KPNA3: variants seen among roughly 807,000 people sequenced by gnomAD.
KPNA3 encodes the protein karyopherin subunit alpha 3, also known as importin subunit alpha-4.
Under a neutral mutation model 73.8 loss-of-function variants are expected in KPNA3, and 13 were observed. The ratio of observed to expected loss-of-function variants is 0.18; its 90% CI spans 0.11 to 0.28. KPNA3 has a LOEUF of 0.28. KPNA3 is among the 10% of genes least tolerant of loss of function. The probability of loss-of-function intolerance (pLI) is 1.00; values close to 1 mark genes in which losing one functional copy is unlikely to be tolerated. For missense variants in KPNA3, 360 were observed against 618.1 expected (o/e 0.58, Z 4.43); for synonymous variants, 186 against 206.9 (o/e 0.90, Z 0.87).
intron 1 of KPNA3, among the ~76,000 whole-genome samples, chr13:49,789,834 C>G (rs1955018119): frequency 6.6e-6 from 1 of 152,178 alleles, no homozygotes; most frequent in Non-Finnish European, 1.5e-5. Context: ...CTTCCACCAG[C>G]CTTCTCCCGC....
At chr13:49,715,823 T>A (rs972205043) in intron 10 of KPNA3, among the ~76,000 whole-genome samples, 1 of 152,138 alleles carries the variant, frequency 6.6e-6, no homozygotes, top group Non-Finnish European at 1.5e-5. Flanking sequence ...TCCAATAATA[T>A]GAAAACACAC....
chr13:49,744,841 A>T (rs1954603180), intron 2 of KPNA3, among the ~76,000 whole-genome samples: 1 of 152,234 alleles, frequency 6.6e-6, no homozygotes, highest in Non-Finnish European at 1.5e-5. Context: ...ACCAATGAGC[A>T]TGACACTGAT....
intron 1 of KPNA3, among the ~76,000 whole-genome samples, chr13:49,762,279 C>T (rs79344496): frequency 0.25 from 36,168 of 145,912 alleles, 5,172 homozygotes; most frequent in Non-Finnish European, 0.33. Context: ...TCGCCCCGTC[C>T]GGGAGGTGGG....
Position 49,701,738 on chromosome 13 carries a change from T to A in KPNA3, c.*62A>T. ...CCTTTTGTTGCTGTTGTTCTTATCATTTGGTAGCCATCTGGTGGTGCTTCA... is the reference window on the plus strand; with the variant it reads ...CCTTTTGTTGCTGTTGTTCTTATCAATTGGTAGCCATCTGGTGGTGCTTCA... On this transcript the variant is annotated 3_prime_UTR_variant, in exon 17 of 17. Coordinates refer to ENST00000261667, the MANE Select transcript of KPNA3 (RefSeq NM_002267.4). 1.0e-6 allele frequency: 1 copy of A among 989,514 alleles called. No individual in the cohort carries two copies. Among genetic ancestry groups the A allele is most frequent in the Non-Finnish European group, 1.6e-6 (1 of 611,508 alleles). The allele number at this position is 989,514 out of a possible 1,614,324, so 61.3% of individuals were successfully genotyped here.
rs1346377139 is a variant in KPNA3, at chr13:49,710,873, A to C, written c.903+18T>G. 6.2e-7 allele frequency: 1 copy of C among 1,607,860 alleles called. No individual in the cohort carries two copies. Among genetic ancestry groups the C allele is most frequent in the Non-Finnish European group, 8.5e-7 (1 of 1,177,792 alleles). ...AAACACAACTGTATACAAATAAGAAAAATTTAAAAATACTTACTTGAACTT... is the reference window on the plus strand; with the variant it reads ...AAACACAACTGTATACAAATAAGAACAATTTAAAAATACTTACTTGAACTT... On this transcript the variant is annotated intron_variant, in intron 11 of 16. Coordinates refer to ENST00000261667, the MANE Select transcript of KPNA3 (RefSeq NM_002267.4).
rs79207202 is a variant in KPNA3, at chr13:49,777,191, C to A, written c.69+15247G>T. On this transcript the variant is annotated intron_variant, in intron 1 of 16. Transcript: ENST00000261667. Reference sequence around the variant, plus strand: ...CTATTCAGCTTTCTACCTTTCAGTCCCTATTATTATCATTTTGCATAAAGA... The same window carrying A: ...CTATTCAGCTTTCTACCTTTCAGTCACTATTATTATCATTTTGCATAAAGA... 3.5e-3 allele frequency among the ~76,000 whole-genome samples: 536 copies of A among 152,250 alleles called. 26 individuals are homozygous for A. In the East Asian group the frequency reaches 0.089, roughly 25 times the overall value.
intron 15 of KPNA3, among the ~76,000 whole-genome samples, chr13:49,705,338 G>A (rs1311589883): frequency 4.1e-5 from 6 of 145,264 alleles, no homozygotes; most frequent in East Asian, 2.0e-4. Flanking sequence ...CAGCCTGGGC[G>A]ACAGAGCAAG....
intron 10 of KPNA3, among the ~76,000 whole-genome samples, chr13:49,713,634 A>AACACACACACACAC (rs66994650): frequency 1.2e-4 from 17 of 140,830 alleles, no homozygotes; most frequent in African/African-American, 4.2e-4. Flanking sequence ...TCTTAGGTGA[A>AACACACACACACAC]ACACACACAC....
At chr13:49,786,492 G>GT (rs556340215) in intron 1 of KPNA3, among the ~76,000 whole-genome samples, 5 of 151,816 alleles carry the variant, frequency 3.3e-5, no homozygotes, top group East Asian at 1.9e-4. Flanking sequence ...AACTTTTAAA[G>GT]TTTTTTTTTG....
chr13:49,752,173 A>C (rs1954668510), intron 1 of KPNA3, among the ~76,000 whole-genome samples: 1 of 152,234 alleles, frequency 6.6e-6, no homozygotes, highest in African/African-American at 2.4e-5. Flanking sequence ...ATTGTTAAGT[A>C]TGATGGAGCT....
chr13:49,740,719 T>A (rs1419747711), intron 2 of KPNA3, among the ~76,000 whole-genome samples: 1 of 152,196 alleles, frequency 6.6e-6, no homozygotes, highest in African/African-American at 2.4e-5. Flanking sequence ...CTGACCAATA[T>A]ACCATGTTCT....
intron 2 of KPNA3, among the ~76,000 whole-genome samples, chr13:49,742,777 T>C (rs1470183429): frequency 6.6e-6 from 1 of 152,148 alleles, no homozygotes; most frequent in Non-Finnish European, 1.5e-5. Flanking sequence ...TCAGAAAGAC[T>C]CTCTTGAAGG....
chr13:49,739,392 C>T (rs933701921), intron 2 of KPNA3, among the ~76,000 whole-genome samples: 2 of 152,238 alleles, frequency 1.3e-5, no homozygotes, highest in African/African-American at 4.8e-5. Context: ...GGTAAGAGCT[C>T]TGCCATTTAT....
intron 7 of KPNA3, among the ~76,000 whole-genome samples, chr13:49,723,498 G>A (rs1021901682): frequency 2.0e-5 from 3 of 151,894 alleles, no homozygotes; most frequent in Non-Finnish European, 2.9e-5. Context: ...GAACCAGGGA[G>A]ACGGAGGTTG....
At chr13:49,767,009 T>A (rs1040836507) in intron 1 of KPNA3, among the ~76,000 whole-genome samples, 1 of 151,574 alleles carries the variant, frequency 6.6e-6, no homozygotes, top group African/African-American at 2.4e-5. Flanking sequence ...TTTTTTTTTT[T>A]TTTTTATAAT....
intron 2 of KPNA3, among the ~76,000 whole-genome samples, chr13:49,741,813 A>G (rs964647322): frequency 6.6e-6 from 1 of 152,138 alleles, no homozygotes; most frequent in Admixed American, 6.5e-5. Flanking sequence ...ATAACCCCTT[A>G]TCAGATGTAT....
At chr13:49,781,749 T>G (rs1289839214) in intron 1 of KPNA3, among the ~76,000 whole-genome samples, 2 of 152,228 alleles carry the variant, frequency 1.3e-5, no homozygotes, top group Non-Finnish European at 2.9e-5. Flanking sequence ...TTTCTCTGTT[T>G]GAACACTGAA....
At chr13:49,718,299 T>C (rs1954323811) in intron 10 of KPNA3, among the ~76,000 whole-genome samples, 1 of 152,208 alleles carries the variant, frequency 6.6e-6, no homozygotes, top group Admixed American at 6.5e-5. Context: ...TTAGAAGGCA[T>C]GGTCTCTTTA....
At chr13:49,760,588 A>G (rs1594453885) in intron 1 of KPNA3, among the ~76,000 whole-genome samples, 1 of 152,206 alleles carries the variant, frequency 6.6e-6, no homozygotes, top group East Asian at 1.9e-4. Context: ...ACCTTGTAAT[A>G]GTTGATTCCA....
Sources: gnomAD v4.1 joint callset for allele counts (sites outside exome capture counted in the v4.1 genomes callset) on GRCh38, gnomAD v4.1.1 for gene constraint, MANE v1.5 for transcripts, NCBI Gene and HGNC (gene_info 2026-07-23, HGNC 2026-07-21) for gene names.